The following KIAA1328 variants were observed in gnomAD, a reference collection of about 807,000 sequenced individuals.
KIAA1328 encodes KIAA1328, also known as protein hinderin.
Under a neutral mutation model 68.1 loss-of-function variants are expected in KIAA1328, and 52 were observed. That is an observed-to-expected ratio of 0.76 (90% CI 0.61 to 0.96). KIAA1328 has a LOEUF of 0.96. Ranked by LOEUF, KIAA1328 falls within the 40% of genes least tolerant of loss-of-function variation. The probability of loss-of-function intolerance (pLI) is 0.00; values close to 1 mark genes in which losing one functional copy is unlikely to be tolerated. For synonymous variants in KIAA1328, 232 were observed against 239.4 expected (o/e 0.97, Z 0.28); for missense variants, 641 against 677.6 (o/e 0.95, Z 0.60).
chr18:36,902,006 A>G (rs2049054912), intron 5 of KIAA1328: 1 of 151,994 alleles, frequency 6.6e-6, no homozygotes, highest in African/African-American at 2.4e-5. Context: ...ATAATCTCTT[A>G]AAATGGTCTG....
intron 8 of KIAA1328, among the ~76,000 whole-genome samples, chr18:37,171,973 G>A (rs2059508700): frequency 6.6e-6 from 1 of 152,152 alleles, no homozygotes. Flanking sequence ...TGAAGCCAAG[G>A]ATAATGGTGA....
intron 6 of KIAA1328, among the ~76,000 whole-genome samples, chr18:36,993,600 T>C (rs2053273876): frequency 6.6e-6 from 1 of 152,130 alleles, no homozygotes; most frequent in Non-Finnish European, 1.5e-5. Context: ...AGGTAATGTA[T>C]TTAAGAACTA....
intron 4 of KIAA1328, 22 bp from the exon 5 acceptor site, chr18:36,885,534 AG>A (rs758710682): frequency 1.2e-5 from 15 of 1,207,892 alleles, no homozygotes; most frequent in Non-Finnish European, 1.5e-5. Flanking sequence ...TAGATGTTAA[AG>A]GTTTTTTTTT....
chr18:36,895,880 CTG>C (rs2048852125), intron 5 of KIAA1328: 12 of 423,972 alleles, frequency 2.8e-5, no homozygotes, highest in Admixed American at 2.6e-4. Context: ...CCACGTTGTC[CTG>C]TGTGAGGCCA....
chr18:36,952,691 A>G (rs1350559173), intron 5 of KIAA1328, among the ~76,000 whole-genome samples: 3 of 152,212 alleles, frequency 2.0e-5, no homozygotes. Context: ...TTGTATTCAG[A>G]AAACATTTGT....
At chr18:36,920,744 A>G (rs1010235756) in intron 5 of KIAA1328, among the ~76,000 whole-genome samples, 8 of 152,166 alleles carry the variant, frequency 5.3e-5, no homozygotes, top group Non-Finnish European at 7.4e-5. Flanking sequence ...GAACTCTGGC[A>G]GTTGTTCAGC....
chr18:37,074,046 C>T (rs561287356), intron 7 of KIAA1328, among the ~76,000 whole-genome samples: 13 of 152,300 alleles, frequency 8.5e-5, no homozygotes, highest in South Asian at 8.3e-4. Context: ...GGAAAATGGA[C>T]GTCTAGCCTC....
chr18:36,935,734 T>G (rs1022838827), intron 5 of KIAA1328, among the ~76,000 whole-genome samples: 5 of 152,154 alleles, frequency 3.3e-5, no homozygotes, highest in African/African-American at 1.2e-4. Context: ...GCAGCCCACC[T>G]AGTCTGTGTT....
At chr18:37,085,071 G>T (rs987541619) in intron 7 of KIAA1328, among the ~76,000 whole-genome samples, 1 of 152,164 alleles carries the variant, frequency 6.6e-6, no homozygotes, top group African/African-American at 2.4e-5. Flanking sequence ...CTAGACTGGG[G>T]CGGGGGTAAA....
intron 9 of KIAA1328, among the ~76,000 whole-genome samples, chr18:37,220,826 G>C (rs879594793): frequency 2.6e-5 from 4 of 152,140 alleles, no homozygotes; most frequent in Non-Finnish European, 5.9e-5. Context: ...TTGTTTGGTT[G>C]GTTGGTTGGT....
intron 5 of KIAA1328, among the ~76,000 whole-genome samples, chr18:36,912,814 G>A (rs1056884520): frequency 6.6e-6 from 1 of 152,188 alleles, no homozygotes; most frequent in Non-Finnish European, 1.5e-5. Context: ...TCTTTCCTAA[G>A]GTACAGTTCC....
At chr18:37,150,892 C>G (rs909864877) in intron 7 of KIAA1328, among the ~76,000 whole-genome samples, 1 of 152,002 alleles carries the variant, frequency 6.6e-6, no homozygotes, top group African/African-American at 2.4e-5. Context: ...ATAACAAACA[C>G]TTTTAGGAAC....
chr18:36,902,443 A>C (rs1188318258), intron 5 of KIAA1328: 1 of 152,060 alleles, frequency 6.6e-6, no homozygotes, highest in Non-Finnish European at 1.5e-5. Flanking sequence ...ATTTAGTCTA[A>C]CAACTTGTCC....
chr18:36,992,692 G>A (rs1452955690), intron 6 of KIAA1328, among the ~76,000 whole-genome samples: 2 of 152,080 alleles, frequency 1.3e-5, no homozygotes, highest in African/African-American at 2.4e-5. Flanking sequence ...AGGAGATAAC[G>A]TTTGAGCTGA....
At chr18:36,852,253 C>G (rs2047235927) in intron 4 of KIAA1328, among the ~76,000 whole-genome samples, 3 of 152,192 alleles carry the variant, frequency 2.0e-5, no homozygotes, top group African/African-American at 7.2e-5. Flanking sequence ...ATGTATTTAG[C>G]TGTTACTTGG....
chr18:36,877,915 C>T (rs2048192692), intron 4 of KIAA1328, among the ~76,000 whole-genome samples: 2 of 152,100 alleles, frequency 1.3e-5, no homozygotes, highest in Non-Finnish European at 2.9e-5. Flanking sequence ...GATCCACCCA[C>T]CTCGGCCTCC....
intron 7 of KIAA1328, among the ~76,000 whole-genome samples, chr18:37,149,283 G>A (rs569297493): frequency 6.6e-6 from 1 of 152,018 alleles, no homozygotes; most frequent in African/African-American, 2.4e-5. Context: ...CCTGATCTTC[G>A]ACAACCTGAC....
chr18:37,100,257 A>G (rs1247109382), intron 7 of KIAA1328, among the ~76,000 whole-genome samples: 3 of 152,198 alleles, frequency 2.0e-5, no homozygotes, highest in South Asian at 2.1e-4. Context: ...GGGTCAGGCA[A>G]TTCCCTTTCC....
At chr18:37,037,120 G>A (rs561318967) in intron 6 of KIAA1328, among the ~76,000 whole-genome samples, 1 of 151,990 alleles carries the variant, frequency 6.6e-6, no homozygotes, top group African/African-American at 2.4e-5. Context: ...TCTACAAACT[G>A]TACTGTTCAT....
Sources: gnomAD v4.1 joint callset for allele counts (sites outside exome capture counted in the v4.1 genomes callset) on GRCh38, gnomAD v4.1.1 for gene constraint, MANE v1.5 for transcripts, NCBI Gene and HGNC (gene_info 2026-07-23, HGNC 2026-07-21) for gene names.